SEMA3A: variants seen among roughly 807,000 people sequenced by gnomAD.
The protein encoded by SEMA3A is semaphorin-3A.
Under a neutral mutation model 97.9 loss-of-function variants are expected in SEMA3A, and 29 were observed. That is an observed-to-expected ratio of 0.30 (90% CI 0.22 to 0.40). SEMA3A has a LOEUF of 0.40. Ranked by LOEUF, SEMA3A falls within the 10% of genes least tolerant of loss-of-function variation. SEMA3A has a pLI of 1.00. For synonymous variants in SEMA3A, 321 were observed against 323.7 expected (o/e 0.99, Z 0.09); for missense variants, 763 against 951.3 (o/e 0.80, Z 2.60).
chr7:83,975,549 G>C (rs982339993), intron 15 of SEMA3A, among the ~76,000 whole-genome samples: 2 of 152,028 alleles, frequency 1.3e-5, no homozygotes, highest in Non-Finnish European at 2.9e-5. Flanking sequence ...ATTATAACTT[G>C]AAATTTTTAG....
intron 1 of SEMA3A, among the ~76,000 whole-genome samples, chr7:84,472,516 C>A (rs894996589): frequency 3.3e-5 from 5 of 152,132 alleles, no homozygotes; most frequent in African/African-American, 9.7e-5. Context: ...ATTTTTCAAT[C>A]TGTATTTTGT....
At chr7:84,005,217 A>G in intron 11 of SEMA3A, 122 bp downstream of exon 11, 1 of 693,980 alleles carries the variant, frequency 1.4e-6, no homozygotes, top group Admixed American at 2.4e-5. Flanking sequence ...AAAGTTAGTT[A>G]TATGTGGATT....
At chr7:84,336,466 C>A (rs548862548) in intron 2 of SEMA3A, among the ~76,000 whole-genome samples, 5 of 152,246 alleles carry the variant, frequency 3.3e-5, no homozygotes, top group Non-Finnish European at 7.4e-5. Context: ...AGAGTATATA[C>A]TATGGTAACC....
At position 84,002,035 on chromosome 7, in the gene SEMA3A, C is replaced by T. The variant is rs553661856; in HGVS notation, c.1372G>A (p.Val458Ile). Residue 458 changes from valine (V) to isoleucine (I), a missense_variant, in exon 12 of 17, where the codon GTT becomes ATT. By Grantham distance (29) the Val-to-Ile change is conservative. This residue lies in a region of SEMA3A where 678 missense variants were observed against 881.3 expected (regional missense o/e 0.77). Coordinates refer to ENST00000265362, the MANE Select transcript of SEMA3A (RefSeq NM_006080.3). The stretch of plus-strand genomic sequence containing the variant: ...TTAGGAATTGAAACTACTTTAAGAA[C>T]GGTCCCAACATCTTTGAAAGAAAGT... ...VMFIGTDVGT[V>I]LKVVSIPKET... The T allele has an allele frequency of 4.7e-5, 75 of 1,604,566 alleles. No individual in the cohort carries two copies. Among genetic ancestry groups the T allele is most frequent in the Middle Eastern group, 3.3e-4 (2 of 6,046 alleles).
intron 1 of SEMA3A, among the ~76,000 whole-genome samples, chr7:84,418,709 CG>C (rs1227650150): frequency 2.0e-5 from 3 of 151,856 alleles, no homozygotes; most frequent in Non-Finnish European, 4.4e-5. Context: ...CAGTAGCCTC[CG>C]GGGGGCTCTT....
At chr7:84,294,910 A>G (rs1311812923) in intron 3 of SEMA3A, among the ~76,000 whole-genome samples, 1 of 152,018 alleles carries the variant, frequency 6.6e-6, no homozygotes, top group Non-Finnish European at 1.5e-5. Flanking sequence ...TCCTCCCTGG[A>G]GGTAACAATA....
intron 6 of SEMA3A, among the ~76,000 whole-genome samples, chr7:84,037,855 T>A (rs1398868632): frequency 6.6e-6 from 1 of 152,022 alleles, no homozygotes; most frequent in Non-Finnish European, 1.5e-5. Flanking sequence ...GAAACTGATA[T>A]ACGGCTGAGA....
At chr7:84,130,302 T>C (rs2116024288) in intron 2 of SEMA3A, among the ~76,000 whole-genome samples, 1 of 152,228 alleles carries the variant, frequency 6.6e-6, no homozygotes, top group Middle Eastern at 3.4e-3. Context: ...GGCTATGATA[T>C]TCAATCTGGA....
intron 1 of SEMA3A, among the ~76,000 whole-genome samples, chr7:84,176,862 A>G (rs1797583326): frequency 6.6e-6 from 1 of 152,172 alleles, no homozygotes; most frequent in Non-Finnish European, 1.5e-5. Flanking sequence ...CAATTTCAGT[A>G]GTGAAGATAA....
chr7:84,218,640 A>G (rs568284734), intron 3 of SEMA3A, among the ~76,000 whole-genome samples: 1 of 152,086 alleles, frequency 6.6e-6, no homozygotes, highest in African/African-American at 2.4e-5. Flanking sequence ...TAAATAATGG[A>G]GATGAATGAC....
At chr7:84,227,220 G>GATAGATAGATATGAATAAAAAAA (rs1799010847) in intron 3 of SEMA3A, among the ~76,000 whole-genome samples, 2 of 151,634 alleles carry the variant, frequency 1.3e-5, no homozygotes, top group African/African-American at 2.4e-5. Context: ...ATATGAAGAA[G>GATAGATAGATATGAATAAAAAAA]ATTCAACAGC....
At chr7:84,436,522 A>C (rs912319299) in intron 1 of SEMA3A, among the ~76,000 whole-genome samples, 1 of 152,146 alleles carries the variant, frequency 6.6e-6, no homozygotes. Context: ...TATGCATAAC[A>C]TTTTACTGGG....
intron 1 of SEMA3A, among the ~76,000 whole-genome samples, chr7:84,383,055 A>G (rs1414649112): frequency 6.6e-6 from 1 of 152,182 alleles, no homozygotes; most frequent in Non-Finnish European, 1.5e-5. Flanking sequence ...CATTTATGTC[A>G]TTATTCATTT....
At position 83,988,860 on chromosome 7, in the gene SEMA3A, C is replaced by CT. The variant is rs11309468; in HGVS notation, c.1453-3384dup. ...AGCACAACACATCATGGATATTCAG[C>CT]TTTTTTTTTTTTTTTTTCTGACAGA... On this transcript the variant is annotated intron_variant, in intron 12 of 16. Coordinates refer to ENST00000265362, the MANE Select transcript of SEMA3A (RefSeq NM_006080.3). Among the ~76,000 whole-genome samples the CT allele has an allele frequency of 3.8e-3, 500 of 132,696 alleles. 3 individuals carry two copies. Among genetic ancestry groups the CT allele is most frequent in the African/African-American group, 0.01 (362 of 35,602 alleles). 87.1% of individuals were successfully genotyped at this position (132,696 alleles called of 152,430 possible).
intron 1 of SEMA3A, among the ~76,000 whole-genome samples, chr7:84,422,526 G>A (rs1228146101): frequency 6.6e-6 from 1 of 151,660 alleles, no homozygotes; most frequent in Non-Finnish European, 1.5e-5. Context: ...CTTCAGTTCT[G>A]CTCTGATCTT....
chr7:84,142,234 C>A (rs1009217192), intron 1 of SEMA3A, among the ~76,000 whole-genome samples: 2 of 152,112 alleles, frequency 1.3e-5, no homozygotes, highest in African/African-American at 4.8e-5. Flanking sequence ...CACATTTAGT[C>A]CATATTATGT....
chr7:84,355,345 T>C (rs947856147), intron 2 of SEMA3A, among the ~76,000 whole-genome samples: 2 of 151,894 alleles, frequency 1.3e-5, no homozygotes, highest in Admixed American at 1.3e-4. Flanking sequence ...ACTATCACTG[T>C]GATTTTGTAT....
chr7:84,041,431 G>A (rs182554718), intron 6 of SEMA3A, among the ~76,000 whole-genome samples: 5 of 152,106 alleles, frequency 3.3e-5, no homozygotes, highest in South Asian at 2.1e-4. Context: ...TTGTTGGGAC[G>A]AAAATGTTTC....
intron 6 of SEMA3A, among the ~76,000 whole-genome samples, chr7:84,020,035 C>CTTT (rs781108685): frequency 0.074 from 4,270 of 58,080 alleles, 1,141 homozygotes; most frequent in Middle Eastern, 0.11. Context: ...TTTTTTCTTT[C>CTTT]TTTTTTTTTT....
Sources: gnomAD v4.1 joint callset for allele counts (sites outside exome capture counted in the v4.1 genomes callset) on GRCh38, gnomAD v4.1.1 for gene constraint, gnomAD v4.1.1 regional missense constraint, MANE v1.5 for transcripts, NCBI Gene and HGNC (gene_info 2026-07-23, HGNC 2026-07-21) for gene names.